RB1CC1: variants seen among roughly 807,000 people sequenced by gnomAD.
The protein encoded by RB1CC1 is RB1 inducible coiled-coil 1.
In RB1CC1, 46 loss-of-function variants were observed where a neutral mutation model predicts 177.5. The observed-to-expected ratio is 0.26, with a 90% CI of 0.20 to 0.33. RB1CC1 has a LOEUF of 0.33. RB1CC1 is among the 10% of genes least tolerant of loss of function. The pLI, the probability that RB1CC1 is intolerant of heterozygous loss-of-function variation, is 1.00. For synonymous variants in RB1CC1, 666 were observed against 613.6 expected, an observed-to-expected ratio of 1.09 and a Z score of -1.26; for missense variants, 1,703 against 1,816.3, an observed-to-expected ratio of 0.94 and a Z score of 1.13.
chr8:52,639,745 A>ACTGT (rs1849420722), intron 18 of RB1CC1, among the ~76,000 whole-genome samples: 3 of 152,272 alleles, frequency 2.0e-5, no homozygotes, highest in African/African-American at 4.8e-5. Flanking sequence ...TTCTCAAGTA[A>ACTGT]TCAGTGAGTA....
chr8:52,683,628 T>A lies in RB1CC1; in HGVS notation c.290A>T (p.Asp97Val). Residue 97 changes from aspartate (D) to valine (V), a missense_variant, in exon 5 of 24, where the codon GAC becomes GTC. Asp to Val is a radical substitution (Grantham distance 152). This residue lies in a region of RB1CC1 where 118 missense variants were observed against 121.2 expected (regional missense o/e 0.97). Transcript: ENST00000025008. ...IPKTTFSTEN[D>V]MEIKVEESLM... ...AGATTCTTCAACTTTTATTTCCATG[T>A]CATTTTCTGTCGAAAAGGTAGTTTT... 1.2e-6 allele frequency: 2 copies of A among 1,612,864 alleles called. No homozygotes were observed. The highest frequency in any genetic ancestry group is 1.7e-6 in the Non-Finnish European group (2 of 1,179,480).
At chr8:52,659,390 T>C (rs944755794) in intron 12 of RB1CC1, among the ~76,000 whole-genome samples, 1 of 152,172 alleles carries the variant, frequency 6.6e-6, no homozygotes, top group African/African-American at 2.4e-5. Context: ...ATGTAACACT[T>C]TCTTATTTGC....
intron 15 of RB1CC1, 144 bp from the exon 16 acceptor site, chr8:52,646,011 AAAAGT>A (rs1849990611): frequency 2.5e-6 from 2 of 792,352 alleles, no homozygotes; most frequent in Non-Finnish European, 3.9e-6. Flanking sequence ...TTTGAATCTA[AAAAGT>A]AAAGGGAAAT....
intron 22 of RB1CC1, 72 bp from the exon 23 acceptor site, chr8:52,624,859 A>G (rs1203306066): frequency 8.6e-7 from 1 of 1,164,906 alleles, no homozygotes; most frequent in African/African-American, 1.6e-5. Flanking sequence ...TAACTGCCAG[A>G]ATTAAAACAG....
Position 52,623,571 on chromosome 8 carries a change from A to C in RB1CC1, c.*211T>G. On this transcript the variant is annotated 3_prime_UTR_variant, in exon 24 of 24. Transcript: ENST00000025008. ...TCTGGGTAAAAAAAAAAACCAAAAA[A>C]CAAAAACCATTTTAATTCAGCCAAG... The C allele has an allele frequency of 1.8e-6, 1 of 570,444 alleles. No homozygotes were observed. The highest frequency in any genetic ancestry group is 2.7e-5 in the Admixed American group (1 of 36,708). The allele number at this position is 570,444 out of a possible 1,614,324, so 35.3% of individuals were successfully genotyped here. A position where few individuals can be genotyped will look rare whatever the true frequency, so the allele number is the denominator to read the frequency against.
At chr8:52,654,801 G>A (rs550592433) in intron 15 of RB1CC1, among the ~76,000 whole-genome samples, 20 of 152,156 alleles carry the variant, frequency 1.3e-4, no homozygotes, top group Admixed American at 1.2e-3. Flanking sequence ...GCCCTGGCCT[G>A]CCTTCAGTAA....
chr8:52,647,390 T>G (rs748716251), intron 15 of RB1CC1, among the ~76,000 whole-genome samples: 1 of 152,146 alleles, frequency 6.6e-6, no homozygotes, highest in Non-Finnish European at 1.5e-5. Flanking sequence ...CATAATATAA[T>G]TAATTAAGGC....
intron 1 of RB1CC1, among the ~76,000 whole-genome samples, chr8:52,710,672 T>C (rs1284277178): frequency 6.6e-6 from 1 of 152,124 alleles, no homozygotes; most frequent in Non-Finnish European, 1.5e-5. Context: ...CTAGTTGTGT[T>C]TTATTTTATA....
chr8:52,692,211 G>A (rs1854936233), intron 1 of RB1CC1, among the ~76,000 whole-genome samples: 1 of 151,688 alleles, frequency 6.6e-6, no homozygotes, highest in South Asian at 2.1e-4. Flanking sequence ...TTAACTTTGG[G>A]AATAAAATAC....
Position 52,708,330 on chromosome 8 carries a change from C to A in RB1CC1, c.-167+5745G>T, listed in dbSNP as rs558974543. The stretch of plus-strand genomic sequence containing the variant: ...AGGAGATCGAGACCATCCTGGCTAA[C>A]ACAGTGAAACCCCGTCTCTGCTAAA... On this transcript the variant is annotated intron_variant, in intron 1 of 23. Transcript: ENST00000025008. Among the ~76,000 whole-genome samples the A allele has an allele frequency of 1.3e-5, 2 of 152,086 alleles. 1 individual carries two copies. The highest frequency in any genetic ancestry group is 4.2e-4 in the South Asian group (2 of 4,814).
chr8:52,632,357 C>A (rs1848823916), intron 20 of RB1CC1, among the ~76,000 whole-genome samples: 1 of 152,176 alleles, frequency 6.6e-6, no homozygotes. Flanking sequence ...TGAACGCTAT[C>A]TGGTACAATG....
chr8:52,684,093 C>G, intron 3 of RB1CC1, 80 bp from the exon 4 acceptor site: 1 of 1,461,920 alleles, frequency 6.8e-7, no homozygotes, highest in Non-Finnish European at 9.1e-7. Context: ...TATGTAAAAA[C>G]ACCTTAGAGG....
rs1385506991 is a variant in RB1CC1, at chr8:52,623,479, T to C, written c.*303A>G. 6 of 383,296 alleles carry C rather than the reference T, an allele frequency of 1.6e-5. No individual in the cohort carries two copies. Among genetic ancestry groups the C allele is most frequent in the African/African-American group, 6.3e-5 (3 of 47,870 alleles). The allele number at this position is 383,296 out of a possible 1,614,324, so 23.7% of individuals were successfully genotyped here. A position where few individuals can be genotyped will look rare whatever the true frequency, so the allele number is the denominator to read the frequency against. ...AACAGGCAATTAATATGGCTCATCA[T>C]AAGCCACAATGCACAAGGTATGCCC... On this transcript the variant is annotated 3_prime_UTR_variant, in exon 24 of 24. Transcript: ENST00000025008.
At chr8:52,706,152 A>G (rs1467464381) in intron 1 of RB1CC1, among the ~76,000 whole-genome samples, 1 of 151,374 alleles carries the variant, frequency 6.6e-6, no homozygotes, top group Non-Finnish European at 1.5e-5. Context: ...TTAAAAAAAA[A>G]AGATGACACC....
chr8:52,690,560 A>G (rs1046298434), intron 1 of RB1CC1, among the ~76,000 whole-genome samples: 6 of 152,202 alleles, frequency 3.9e-5, no homozygotes, highest in African/African-American at 1.4e-4. Flanking sequence ...TTACATTTAA[A>G]CGGTATTGTT....
At chr8:52,691,969 C>T (rs1854907454) in intron 1 of RB1CC1, among the ~76,000 whole-genome samples, 1 of 152,170 alleles carries the variant, frequency 6.6e-6, no homozygotes, top group Non-Finnish European at 1.5e-5. Flanking sequence ...ACTCATAATG[C>T]TAAGTAGCTT....
intron 20 of RB1CC1, among the ~76,000 whole-genome samples, chr8:52,633,945 C>G (rs1848941235): frequency 6.6e-6 from 1 of 151,948 alleles, no homozygotes; most frequent in South Asian, 2.1e-4. Flanking sequence ...AAAACAAAAC[C>G]TAAAACCAAA....
At position 52,692,513 on chromosome 8, in the gene RB1CC1, G is replaced by A. The variant is rs573399547; in HGVS notation, c.-166-5546C>T. ...TCTTACAAATCCTATAGTGAGAGAG[G>A]TTAAGAATTATCCGCATCATTCATA... is the stretch of plus-strand genomic sequence containing the variant. On this transcript the variant is annotated intron_variant, in intron 1 of 23. Transcript: ENST00000025008. 9.2e-5 allele frequency among the ~76,000 whole-genome samples: 14 copies of A among 152,094 alleles called. No individual in the cohort carries two copies. The South Asian group carries it at 2.3e-3, about 25-fold the overall frequency.
At chr8:52,651,040 G>C (rs549755782) in intron 15 of RB1CC1, among the ~76,000 whole-genome samples, 16 of 152,292 alleles carry the variant, frequency 1.1e-4, no homozygotes, top group African/African-American at 3.8e-4. Context: ...ATCTAACAAA[G>C]AAGGAATTGC....
Sources: gnomAD v4.1 joint callset for allele counts (sites outside exome capture counted in the v4.1 genomes callset) on GRCh38, gnomAD v4.1.1 for gene constraint, gnomAD v4.1.1 regional missense constraint, MANE v1.5 for transcripts, NCBI Gene and HGNC (gene_info 2026-07-23, HGNC 2026-07-21) for gene names.